Variants in SEMA3E observed in about 807,000 individuals in gnomAD.
The protein encoded by SEMA3E is semaphorin-3E.
Under a neutral mutation model 93.6 loss-of-function variants are expected in SEMA3E, and 49 were observed. That is an observed-to-expected ratio of 0.52 (90% confidence interval 0.42 to 0.66). SEMA3E has a LOEUF of 0.66. SEMA3E is among the 30% of genes least tolerant of loss of function. SEMA3E has a pLI of 0.00. For missense variants in SEMA3E, 906 were observed against 964.8 expected (o/e 0.94, Z 0.81); for synonymous variants, 363 against 330.7 (o/e 1.10, Z -1.06).
At chr7:83,457,276 C>T (rs529637247) in intron 4 of SEMA3E, among the ~76,000 whole-genome samples, 1 of 152,262 alleles carries the variant, frequency 6.6e-6, no homozygotes, top group South Asian at 2.1e-4. Context: ...ACTACTCCCC[C>T]AGGGTTTAAT....
Position 83,648,685 on chromosome 7 carries a change from G to T in SEMA3E, c.-143C>A. The T allele has an allele frequency of 1.4e-6, 1 of 716,832 alleles. No individual in the cohort carries two copies. 44.4% of individuals were successfully genotyped at this position (716,832 alleles called of 1,614,324 possible). On this transcript the variant is annotated 5_prime_UTR_variant, in exon 1 of 17. Transcript: ENST00000643230. ...TCATCAGAAAGCACAGTTCCGAAGT[G>T]CCATTTGTCAGGCTGTATTTGGCTA...
chr7:83,548,396 A>G (rs1325860851), intron 1 of SEMA3E, among the ~76,000 whole-genome samples: 1 of 152,096 alleles, frequency 6.6e-6, no homozygotes, highest in African/African-American at 2.4e-5. Context: ...AAGTATGACT[A>G]TTACAATATT....
Position 83,366,197 on chromosome 7 carries a change from T to C in SEMA3E, c.*1389A>G, listed in dbSNP as rs1378322875. 1.3e-5 allele frequency: 2 copies of C among 152,120 alleles called. No homozygotes were observed. The highest frequency in any genetic ancestry group is 3.8e-4 in the East Asian group (2 of 5,204). 9.4% of individuals were successfully genotyped at this position (152,120 alleles called of 1,614,324 possible). A position where few individuals can be genotyped will look rare whatever the true frequency, so the allele number is the denominator to read the frequency against. On this transcript the variant is annotated 3_prime_UTR_variant, in exon 17 of 17. Coordinates refer to ENST00000643230, the MANE Select transcript of SEMA3E (RefSeq NM_012431.3). ...ACACTGTTTAAGATTAATATCTAAA[T>C]AAATGTTCATAATGGTTCTCCTGTG...
intron 13 of SEMA3E, among the ~76,000 whole-genome samples, chr7:83,392,974 CAGG>C (rs1411455831): frequency 2.2e-5 from 3 of 136,510 alleles, no homozygotes; most frequent in Non-Finnish European, 4.6e-5. Context: ...GAGGTTAAGG[CAGG>C]AGAATTGCTT....
At chr7:83,519,042 A>G (rs1790990832) in intron 1 of SEMA3E, among the ~76,000 whole-genome samples, 1 of 151,950 alleles carries the variant, frequency 6.6e-6, no homozygotes, top group Non-Finnish European at 1.5e-5. Context: ...ACATATGTAT[A>G]CATGTGCCAT....
At chr7:83,460,711 G>A (rs903049577) in intron 4 of SEMA3E, among the ~76,000 whole-genome samples, 35 of 149,980 alleles carry the variant, frequency 2.3e-4, no homozygotes, top group African/African-American at 7.1e-4. Flanking sequence ...CCTTATTTCT[G>A]CGCCCCGACC....
intron 1 of SEMA3E, among the ~76,000 whole-genome samples, chr7:83,546,321 G>GGGGTGT (rs1040102421): frequency 1.5e-5 from 2 of 129,406 alleles, no homozygotes; most frequent in Admixed American, 8.4e-5. Context: ...TATAATAAGG[G>GGGGTGT]GTGTGTGTGT....
At chr7:83,454,570 G>T (rs1789443485) in intron 4 of SEMA3E, among the ~76,000 whole-genome samples, 1 of 151,830 alleles carries the variant, frequency 6.6e-6, no homozygotes, top group African/African-American at 2.4e-5. Flanking sequence ...AAACTTACAA[G>T]TTTTGTTGAA....
At chr7:83,450,104 T>G (rs2115815882) in intron 4 of SEMA3E, among the ~76,000 whole-genome samples, 1 of 152,310 alleles carries the variant, frequency 6.6e-6, no homozygotes, top group Non-Finnish European at 1.5e-5. Context: ...ATGCAGCCAT[T>G]AGAATCCTAA....
At chr7:83,442,872 C>T (rs1011074603) in intron 4 of SEMA3E, among the ~76,000 whole-genome samples, 1 of 152,098 alleles carries the variant, frequency 6.6e-6, no homozygotes, top group Non-Finnish European at 1.5e-5. Flanking sequence ...TTAGCACTTT[C>T]CTCTAATTCT....
intron 4 of SEMA3E, among the ~76,000 whole-genome samples, chr7:83,441,225 G>A (rs150394730): frequency 6.0e-4 from 91 of 152,290 alleles, no homozygotes; most frequent in Admixed American, 3.4e-3. Flanking sequence ...GGAAAAGTTA[G>A]GTTACAAAAA....
intron 4 of SEMA3E, among the ~76,000 whole-genome samples, chr7:83,450,836 C>T (rs897354641): frequency 6.6e-6 from 1 of 152,106 alleles, no homozygotes; most frequent in Non-Finnish European, 1.5e-5. Flanking sequence ...AAAACAAATA[C>T]ATATTATCAT....
rs1788347013 is a variant in SEMA3E, at chr7:83,407,205, G to T, written c.705C>A (p.Asp235Glu). 6.2e-6 allele frequency: 10 copies of T among 1,613,166 alleles called. No individual in the cohort carries two copies. The South Asian group carries it at 7.7e-5, about 12-fold the overall frequency. ...PKFVGSYMIP[D>E]NEDRDDNKVY... Reference sequence around the variant, plus strand: ...CTTTGTTGTCATCTCTGTCTTCATTGTCAGGAATCATGTATGAACCTACAA... The same window carrying T: ...CTTTGTTGTCATCTCTGTCTTCATTTTCAGGAATCATGTATGAACCTACAA... Residue 235 changes from aspartate to glutamate, a missense_variant, in exon 7 of 17, where the codon GAC becomes GAA. Coordinates refer to ENST00000643230, the MANE Select transcript of SEMA3E (RefSeq NM_012431.3).
intron 5 of SEMA3E, among the ~76,000 whole-genome samples, chr7:83,418,152 A>G (rs2115693330): frequency 6.6e-6 from 1 of 152,308 alleles, no homozygotes; most frequent in African/African-American, 2.4e-5. Flanking sequence ...GAGATATTAA[A>G]CGACAATTTG....
chr7:83,422,879 A>T (rs1248094856), intron 4 of SEMA3E, among the ~76,000 whole-genome samples: 3 of 152,268 alleles, frequency 2.0e-5, no homozygotes, highest in African/African-American at 7.2e-5. Flanking sequence ...TAAGATCAAG[A>T]GAAACCCAGA....
rs570866660 is a variant in SEMA3E, at chr7:83,430,481, C to T, written c.457-11998G>A. 8.6e-5 allele frequency among the ~76,000 whole-genome samples: 13 copies of T among 152,024 alleles called. No homozygotes were observed. The South Asian group carries it at 2.3e-3, about 27-fold the overall frequency. ...AAAAGAAAAGCCCAGATGAATACCA[C>T]GGAATACTATGCAGCCATAAAAAAT... On this transcript the variant is annotated intron_variant, in intron 4 of 16. Coordinates refer to ENST00000643230, the MANE Select transcript of SEMA3E (RefSeq NM_012431.3).
chr7:83,551,526 A>T (rs1791764539), intron 1 of SEMA3E, among the ~76,000 whole-genome samples: 1 of 152,196 alleles, frequency 6.6e-6, no homozygotes, highest in African/African-American at 2.4e-5. Context: ...AATGAGGAGG[A>T]TGAGACAGAG....
chr7:83,589,019 A>C (rs929239244), intron 1 of SEMA3E, among the ~76,000 whole-genome samples: 1 of 152,138 alleles, frequency 6.6e-6, no homozygotes, highest in African/African-American at 2.4e-5. Flanking sequence ...ACTAAGCTGA[A>C]GCGCAGGAAT....
At chr7:83,534,050 C>A (rs749123013) in intron 1 of SEMA3E, among the ~76,000 whole-genome samples, 37 of 152,168 alleles carry the variant, frequency 2.4e-4, no homozygotes, top group Non-Finnish European at 5.0e-4. Context: ...AAGCTTCTGC[C>A]AATTCTATTT....
Sources: gnomAD v4.1 joint callset for allele counts (sites outside exome capture counted in the v4.1 genomes callset) on GRCh38, gnomAD v4.1.1 for gene constraint, MANE v1.5 for transcripts, NCBI Gene and HGNC (gene_info 2026-07-23, HGNC 2026-07-21) for gene names.